MGST1: variants seen among roughly 807,000 people sequenced by gnomAD.
MGST1 encodes microsomal glutathione S-transferase 1, also known as glutathione S-transferase 12.
A neutral mutation model predicts 8.9 loss-of-function variants in MGST1; 5 were observed. The observed-to-expected ratio is 0.56, with a 90% confidence interval of 0.29 to 1.19. MGST1 has a LOEUF of 1.19. Among genes scored for constraint, MGST1 ranks in the 50% most tolerant of loss-of-function variants. The pLI, the probability that MGST1 is intolerant of heterozygous loss-of-function variation, is 0.08. For missense variants in MGST1, 182 were observed against 187.4 expected (o/e 0.97, Z 0.17); for synonymous variants, 54 against 67.8 (o/e 0.80, Z 1.00).
intron 4 of MGST1, among the ~76,000 whole-genome samples, chr12:16,457,972 G>T (rs1941189334): frequency 6.6e-6 from 1 of 151,922 alleles, no homozygotes; most frequent in Non-Finnish European, 1.5e-5. Flanking sequence ...AAATTAATTT[G>T]CACTACCCAA....
intron 3 of MGST1, among the ~76,000 whole-genome samples, chr12:16,372,975 T>C (rs1226422562): frequency 6.8e-6 from 1 of 147,552 alleles, no homozygotes; most frequent in Non-Finnish European, 1.5e-5. Flanking sequence ...ATATATTACA[T>C]ATTATATAAT....
intron 1 of MGST1, among the ~76,000 whole-genome samples, chr12:16,397,531 A>G (rs898887715): frequency 6.6e-6 from 1 of 152,174 alleles, no homozygotes; most frequent in Admixed American, 6.5e-5. Flanking sequence ...TATCCATCCA[A>G]CAAAGAACTA....
intron 4 of MGST1, among the ~76,000 whole-genome samples, chr12:16,561,565 G>T (rs2137342837): frequency 6.6e-6 from 1 of 152,256 alleles, no homozygotes; most frequent in Admixed American, 6.5e-5. Flanking sequence ...ACTCATTTTG[G>T]TTATAAAAAT....
intron 4 of MGST1, among the ~76,000 whole-genome samples, chr12:16,479,269 C>G (rs1269962566): frequency 7.6e-6 from 1 of 131,962 alleles, no homozygotes; most frequent in Non-Finnish European, 1.5e-5. Context: ...GAGTCTCGCT[C>G]TGTCGCCCAG....
At chr12:16,400,162 T>C in intron 1 of MGST1, 1 of 1,252,224 alleles carries the variant, frequency 8.0e-7, no homozygotes, top group Non-Finnish European at 1.2e-6. Flanking sequence ...GTCATGCATA[T>C]GTTGATGTTT....
Position 16,472,108 on chromosome 12 carries a change from A to G in MGST1, n.482+88504A>G, listed in dbSNP as rs867538689. ...AGGCAAATATAAACTGTCCTCCATG[A>G]TCACATAAATTATACCCATTCTTCT... On this transcript the variant is annotated intron_variant and non_coding_transcript_variant, in intron 4 of 4. Transcript: ENST00000538857. Among the ~76,000 whole-genome samples, 3 of 152,236 alleles carry G rather than the reference A, an allele frequency of 2.0e-5. No individual in the cohort carries two copies. The South Asian group carries it at 6.2e-4, about 32-fold the overall frequency.
At chr12:16,460,156 G>T (rs561924886) in intron 4 of MGST1, among the ~76,000 whole-genome samples, 2 of 152,220 alleles carry the variant, frequency 1.3e-5, no homozygotes, top group Non-Finnish European at 2.9e-5. Flanking sequence ...AAGGTTAGTT[G>T]TTATTAGAGT....
chr12:16,380,236 G>A (rs1007954504), downstream of MGST1, among the ~76,000 whole-genome samples: 10 of 151,846 alleles, frequency 6.6e-5, no homozygotes, highest in African/African-American at 2.2e-4. Context: ...GTGATGTTAG[G>A]GTGTCAATTT....
intron 4 of MGST1, among the ~76,000 whole-genome samples, chr12:16,456,525 A>G (rs1941173952): frequency 6.6e-6 from 1 of 151,982 alleles, no homozygotes; most frequent in Non-Finnish European, 1.5e-5. Flanking sequence ...GGACTGAATT[A>G]AAAGTTAGAT....
intron 1 of MGST1, among the ~76,000 whole-genome samples, chr12:16,404,894 G>C (rs1940686897): frequency 6.6e-6 from 1 of 151,974 alleles, no homozygotes; most frequent in Non-Finnish European, 1.5e-5. Flanking sequence ...GGATCTACTG[G>C]TGGCAAACTC....
intron 4 of MGST1, among the ~76,000 whole-genome samples, chr12:16,583,170 T>C (rs561961266): frequency 6.6e-6 from 1 of 152,000 alleles, no homozygotes; most frequent in South Asian, 2.1e-4. Context: ...TGATCCCGGA[T>C]AAAATGCCCA....
rs35922293 is a variant in MGST1, at chr12:16,417,304, GT to G, written n.779-20083del. 4.6e-3 allele frequency among the ~76,000 whole-genome samples: 696 copies of G among 152,246 alleles called. 14 individuals are homozygous for G. The highest frequency in any genetic ancestry group is 0.017 in the East Asian group (89 of 5,170). ...GCCAGACATAAAACCTTCAGATCTT[GT>G]GAGAACTCACTCATTATCATGAGAG... On this transcript the variant is annotated intron_variant and non_coding_transcript_variant, in intron 1 of 1. Coordinates refer to the MGST1 transcript ENST00000359720.
rs1251242954 is a variant in MGST1 at position 16,560,976 on chromosome 12, T to C, written n.483-28552T>C. On this transcript the variant is annotated intron_variant and non_coding_transcript_variant, in intron 4 of 4. Transcript: ENST00000538857. This position sits in a 1 kb window ranked among gnomAD's most constrained non-coding sequence, Gnocchi z 5.0. ...CATTTAGTTACTAAAAGGTTTGCCA[T>C]TATTATTAAAAATACATTTATGAAG... Among the ~76,000 whole-genome samples, 1 of 152,190 alleles carries C rather than the reference T, an allele frequency of 6.6e-6. No homozygotes were observed. Among genetic ancestry groups the C allele is most frequent in the Non-Finnish European group, 1.5e-5 (1 of 68,030 alleles).
chr12:16,396,010 T>C (rs1056542785), intron 1 of MGST1, among the ~76,000 whole-genome samples: 2 of 152,030 alleles, frequency 1.3e-5, no homozygotes, highest in Non-Finnish European at 2.9e-5. Context: ...CTACTTTTAG[T>C]TCTTTAAGGA....
At chr12:16,539,040 T>G (rs1941776659) in intron 4 of MGST1, among the ~76,000 whole-genome samples, 1 of 152,196 alleles carries the variant, frequency 6.6e-6, no homozygotes, top group Non-Finnish European at 1.5e-5. Flanking sequence ...ACCACCCCCA[T>G]GATTCAAATT....
chr12:16,579,722 T>C (rs767218611), intron 4 of MGST1, among the ~76,000 whole-genome samples: 6 of 152,204 alleles, frequency 3.9e-5, no homozygotes, highest in Non-Finnish European at 5.9e-5. Flanking sequence ...AAAATTTTTA[T>C]CTTGTTTTTC....
intron 4 of MGST1, among the ~76,000 whole-genome samples, chr12:16,477,613 T>G (rs1565461737): frequency 6.6e-6 from 1 of 152,232 alleles, no homozygotes; most frequent in Non-Finnish European, 1.5e-5. Flanking sequence ...ATTTGTAGAA[T>G]AGGTAGATGG....
intron 4 of MGST1, among the ~76,000 whole-genome samples, chr12:16,451,514 C>T (rs998358104): frequency 6.6e-6 from 1 of 151,810 alleles, no homozygotes; most frequent in South Asian, 2.1e-4. Flanking sequence ...ATGCATTTAG[C>T]ATTCTTAAAA....
intron 1 of MGST1, among the ~76,000 whole-genome samples, chr12:16,408,736 C>A (rs1163262981): frequency 6.6e-6 from 1 of 152,118 alleles, no homozygotes; most frequent in Non-Finnish European, 1.5e-5. Context: ...TTTACTACTT[C>A]TAGATCTCTG....
Sources: allele counts gnomAD v4.1 joint callset (sites outside exome capture counted in the v4.1 genomes callset), GRCh38; gene constraint gnomAD v4.1.1; non-coding constraint Gnocchi (gnomAD v3.1); transcripts MANE v1.5; gene names NCBI Gene and HGNC (gene_info 2026-07-23, HGNC 2026-07-21).